The following RBFOX1 variants were observed in gnomAD, a reference collection of about 807,000 sequenced individuals.
The protein encoded by RBFOX1 is RNA binding protein fox-1 homolog 1.
In RBFOX1, 8 loss-of-function variants were observed where a neutral mutation model predicts 57.7. The observed-to-expected ratio is 0.14, with a 90% confidence interval of 0.08 to 0.25. RBFOX1 has a LOEUF of 0.25. Among genes scored for constraint, RBFOX1 ranks in the 10% least tolerant of loss-of-function variants. RBFOX1 has a pLI of 1.00. For missense variants in RBFOX1, 611 were observed against 548.5 expected (o/e 1.11, Z -1.14); for synonymous variants, 326 against 222.4 (o/e 1.47, Z -4.15).
chr16:5,997,908 A>T (rs1461266858), intron 4 of RBFOX1, among the ~76,000 whole-genome samples: 1 of 152,202 alleles, frequency 6.6e-6, no homozygotes, highest in East Asian at 1.9e-4. Context: ...GTTAGAGTAC[A>T]TAACATGAAA....
At chr16:6,617,869 A>ACT (rs1213043032) in intron 2 of RBFOX1, among the ~76,000 whole-genome samples, 1 of 152,180 alleles carries the variant, frequency 6.6e-6, no homozygotes, top group Non-Finnish European at 1.5e-5. Context: ...TAAGGATGGA[A>ACT]AGTACCATGG....
chr16:6,773,171 T>TGG (rs1491212007), intron 3 of RBFOX1, among the ~76,000 whole-genome samples: 6 of 62,252 alleles, frequency 9.6e-5, no homozygotes, highest in African/African-American at 6.1e-4. Context: ...GGGGTGCATT[T>TGG]GTGTGTGTGT....
chr16:6,492,772 G>T (rs1232964596), intron 2 of RBFOX1, among the ~76,000 whole-genome samples: 1 of 152,178 alleles, frequency 6.6e-6, no homozygotes, highest in Non-Finnish European at 1.5e-5. Flanking sequence ...TAGGAATGAA[G>T]TGGATTTGCC....
intron 11 of RBFOX1, among the ~76,000 whole-genome samples, chr16:7,648,557 C>T (rs1418890030): frequency 3.3e-5 from 5 of 152,162 alleles, no homozygotes. Flanking sequence ...GGAAGAAACA[C>T]AGAAGGCACA....
chr16:6,968,738 T>C (rs1351561451), intron 3 of RBFOX1, among the ~76,000 whole-genome samples: 2 of 152,074 alleles, frequency 1.3e-5, no homozygotes, highest in Non-Finnish European at 2.9e-5. Flanking sequence ...CTCATCTCCC[T>C]CCTCTCCCTC....
At chr16:6,135,299 A>G (rs894963447) in intron 1 of RBFOX1, among the ~76,000 whole-genome samples, 1 of 152,210 alleles carries the variant, frequency 6.6e-6, no homozygotes, top group African/African-American at 2.4e-5. Context: ...GTTGTTTTCT[A>G]TTGGAAAGCA....
In RBFOX1 at chr16:6,806,817, A is replaced by AATATATAAATATAT. The variant is rs1366370826; in HGVS notation, c.-16+152174_-16+152175insAATATATATATATA. Among the ~76,000 whole-genome samples the AATATATAAATATAT allele has an allele frequency of 1.0e-3, 85 of 85,084 alleles. 1 individual carries two copies. The highest frequency in any genetic ancestry group is 2.0e-3 in the African/African-American group (45 of 22,684). 55.8% of individuals were successfully genotyped at this position (85,084 alleles called of 152,430 possible). On this transcript the variant is annotated intron_variant, in intron 3 of 15. Coordinates refer to ENST00000550418, the MANE Select transcript of RBFOX1 (RefSeq NM_018723.4). ...ATTTATATATATAAATAAATATATA[A>AATATATAAATATAT]ATATATATATATATATATATTTTTT...
rs373938246 is a variant in RBFOX1 at position 6,421,365 on chromosome 16, C to T, written c.-64+104308C>T. 5.7e-4 allele frequency among the ~76,000 whole-genome samples: 87 copies of T among 152,230 alleles called. 1 individual carries two copies. The highest frequency in any genetic ancestry group is 1.4e-3 in the African/African-American group (58 of 41,538). ...GACAAATCATGTTGAATGAGAAAAG[C>T]GTATTATGTGAACGTAAAAACGTTT... is the stretch of plus-strand genomic sequence containing the variant. On this transcript the variant is annotated intron_variant, in intron 2 of 15. Transcript: ENST00000550418.
Position 7,710,854 on chromosome 16 carries a change from A to AT in RBFOX1, c.*109_*110insT. 2 of 1,089,096 alleles carry AT rather than the reference A, an allele frequency of 1.8e-6. No homozygotes were observed. Among genetic ancestry groups the AT allele is most frequent in the Non-Finnish European group, 2.4e-6 (2 of 831,608 alleles). The allele number at this position is 1,089,096 out of a possible 1,614,324, so 67.5% of individuals were successfully genotyped here. A position where few individuals can be genotyped will look rare whatever the true frequency, so the allele number is the denominator to read the frequency against. On this transcript the variant is annotated 3_prime_UTR_variant, in exon 16 of 16. Coordinates refer to ENST00000550418, the MANE Select transcript of RBFOX1 (RefSeq NM_018723.4). ...TCATTTTAGCAACTCTAAAAAAAAAAAAAATACAAATAAAAAGGAAAAAAA... is the reference window on the plus strand; with the variant it reads ...TCATTTTAGCAACTCTAAAAAAAAAATAAAATACAAATAAAAAGGAAAAAAA...
At chr16:7,030,110 G>A (rs1399463017) in intron 3 of RBFOX1, among the ~76,000 whole-genome samples, 2 of 152,168 alleles carry the variant, frequency 1.3e-5, no homozygotes, top group Admixed American at 6.5e-5. Context: ...ATTATAATGA[G>A]TAGATTGGCC....
At chr16:6,561,961 C>T (rs971131669) in intron 2 of RBFOX1, among the ~76,000 whole-genome samples, 1 of 152,182 alleles carries the variant, frequency 6.6e-6, no homozygotes. Context: ...ACATTCACAT[C>T]ATCCACCTAG....
intron 3 of RBFOX1, among the ~76,000 whole-genome samples, chr16:5,669,612 GT>G (rs2049956562): frequency 6.6e-6 from 1 of 152,016 alleles, no homozygotes; most frequent in Non-Finnish European, 1.5e-5. Flanking sequence ...TAGAGACGGG[GT>G]TTCACCATGT....
At chr16:6,590,311 C>T (rs1196225808) in intron 2 of RBFOX1, among the ~76,000 whole-genome samples, 2 of 152,182 alleles carry the variant, frequency 1.3e-5, no homozygotes, top group African/African-American at 4.8e-5. Flanking sequence ...AGCCAAATGG[C>T]CTCAACCATC....
At chr16:7,123,294 A>G (rs1302451479) in intron 4 of RBFOX1, among the ~76,000 whole-genome samples, 2 of 152,220 alleles carry the variant, frequency 1.3e-5, no homozygotes, top group African/African-American at 4.8e-5. Flanking sequence ...CATTCCTGGC[A>G]AACATTACAC....
chr16:5,545,971 T>A (rs556309228), intron 2 of RBFOX1, among the ~76,000 whole-genome samples: 1 of 152,208 alleles, frequency 6.6e-6, no homozygotes, highest in African/African-American at 2.4e-5. Flanking sequence ...ATGAATTTAG[T>A]GAGATTATAG....
At position 7,257,599 on chromosome 16, in the gene RBFOX1, C is replaced by G. The variant is rs186075873; in HGVS notation, c.27+205501C>G. Among the ~76,000 whole-genome samples, 16 of 152,268 alleles carry G rather than the reference C, an allele frequency of 1.1e-4. No homozygotes were observed. In the East Asian group the frequency reaches 2.3e-3, roughly 22 times the overall value. On this transcript the variant is annotated intron_variant, in intron 4 of 15. Coordinates refer to ENST00000550418, the MANE Select transcript of RBFOX1 (RefSeq NM_018723.4). ...CCCACCCTTGCTTATCCACACCTACCAAGAGCCCCTTCCCGAGAACTGCTC... is the reference window on the plus strand; with the variant it reads ...CCCACCCTTGCTTATCCACACCTACGAAGAGCCCCTTCCCGAGAACTGCTC...
At chr16:5,579,254 C>G (rs2046578963) in intron 2 of RBFOX1, among the ~76,000 whole-genome samples, 1 of 152,134 alleles carries the variant, frequency 6.6e-6, no homozygotes, top group Non-Finnish European at 1.5e-5. Context: ...GGTAGCCAGA[C>G]AGGTGCTTAT....
chr16:7,637,912 T>A (rs2062038820), intron 11 of RBFOX1, among the ~76,000 whole-genome samples: 1 of 152,224 alleles, frequency 6.6e-6, no homozygotes, highest in Non-Finnish European at 1.5e-5. Context: ...AGATCCATGA[T>A]TAACAGAATA....
intron 4 of RBFOX1, among the ~76,000 whole-genome samples, chr16:5,933,849 A>C (rs1378359705): frequency 1.3e-5 from 2 of 151,810 alleles, no homozygotes; most frequent in African/African-American, 2.4e-5. Flanking sequence ...TATATAGGTA[A>C]ACTCGAGTGA....
Sources: allele counts gnomAD v4.1 joint callset (sites outside exome capture counted in the v4.1 genomes callset), GRCh38; gene constraint gnomAD v4.1.1; transcripts MANE v1.5; gene names NCBI Gene and HGNC (gene_info 2026-07-23, HGNC 2026-07-21).